Variants in GPHN observed in about 807,000 individuals in gnomAD.
GPHN encodes the protein gephyrin.
GPHN carries 17 observed loss-of-function variants against 95.5 expected under a neutral mutation model. The observed-to-expected ratio is 0.18, with a 90% CI of 0.12 to 0.27. The LOEUF (loss-of-function observed/expected upper bound fraction) is 0.27. Ranked by LOEUF, GPHN falls within the 10% of genes least tolerant of loss-of-function variation. GPHN has a pLI of 1.00. For synonymous variants in GPHN, 320 were observed against 322.5 expected (o/e 0.99, Z 0.08); for missense variants, 660 against 978.1 (o/e 0.67, Z 4.34).
the GPHN span, among the ~76,000 whole-genome samples, chr14:67,378,610 A>T: frequency 6.6e-6 from 1 of 152,126 alleles, no homozygotes; most frequent in Admixed American, 6.5e-5. Flanking sequence ...TCCTCAGTAC[A>T]TTTCTTAACT....
intron 1 of GPHN, among the ~76,000 whole-genome samples, chr14:66,674,843 T>A (rs1275886059): frequency 6.6e-6 from 1 of 152,224 alleles, no homozygotes; most frequent in African/African-American, 2.4e-5. Flanking sequence ...CCCATTCCTG[T>A]GATTGCTGGA....
chr14:67,729,892 A>C, the GPHN span: 1 of 445,532 alleles, frequency 2.2e-6, no homozygotes, highest in Non-Finnish European at 4.5e-6. Flanking sequence ...AGAGTCTGGG[A>C]GTAAAGGGAA....
chr14:67,206,132 C>T, the GPHN span, among the ~76,000 whole-genome samples: 7 of 151,964 alleles, frequency 4.6e-5, no homozygotes, highest in Middle Eastern at 3.4e-3. Context: ...TGCAGTGAGC[C>T]GAGATCATGC....
At chr14:67,034,904 T>C (rs2074347314) in intron 10 of GPHN, among the ~76,000 whole-genome samples, 1 of 151,992 alleles carries the variant, frequency 6.6e-6, no homozygotes, top group African/African-American at 2.4e-5. Flanking sequence ...AACAGAGAAC[T>C]TGAACACTGT....
At chr14:67,027,991 CTGTATGTT>C in intron 10 of GPHN, among the ~76,000 whole-genome samples, 1 of 152,148 alleles carries the variant, frequency 6.6e-6, no homozygotes, top group Non-Finnish European at 1.5e-5. Flanking sequence ...TTCTATATAA[CTGTATGTT>C]TGTACCTTTT....
At chr14:66,532,798 A>T (rs2058996818) in intron 1 of GPHN, among the ~76,000 whole-genome samples, 2 of 152,194 alleles carry the variant, frequency 1.3e-5, no homozygotes, top group Non-Finnish European at 2.9e-5. Flanking sequence ...ATTTTCTCTT[A>T]TCACAAACTT....
At chr14:66,768,845 G>A (rs2059057576) in intron 2 of GPHN, among the ~76,000 whole-genome samples, 1 of 151,878 alleles carries the variant, frequency 6.6e-6, no homozygotes, top group Non-Finnish European at 1.5e-5. Context: ...ATGCATTAAG[G>A]GAATAGAAGA....
chr14:67,388,629 C>A, the GPHN span, among the ~76,000 whole-genome samples: 1 of 152,170 alleles, frequency 6.6e-6, no homozygotes, highest in East Asian at 1.9e-4. Context: ...CACTGGCTTC[C>A]TTAACCCTTG....
intron 1 of GPHN, among the ~76,000 whole-genome samples, chr14:66,631,803 A>C (rs1348368919): frequency 2.6e-5 from 4 of 152,210 alleles, no homozygotes; most frequent in African/African-American, 9.6e-5. Flanking sequence ...ATATTAGAGA[A>C]ATTTCCCACT....
chr14:66,958,921 C>T (rs1005823360), intron 8 of GPHN, among the ~76,000 whole-genome samples: 6 of 151,900 alleles, frequency 3.9e-5, no homozygotes, highest in Non-Finnish European at 7.4e-5. Flanking sequence ...CTATTACTTC[C>T]TTTTTTCTGT....
In GPHN at chr14:66,961,900, GTATATATATA is replaced by G. The variant is rs767734322; in HGVS notation, c.829-3252_829-3243del. Among the ~76,000 whole-genome samples the G allele has an allele frequency of 7.1e-3, 376 of 52,964 alleles. 6 individuals are homozygous for G. The highest frequency in any genetic ancestry group is 0.038 in the East Asian group (85 of 2,240). The allele number at this position is 52,964 out of a possible 152,430, so 34.7% of individuals were successfully genotyped here. On this transcript the variant is annotated intron_variant, in intron 8 of 22. Transcript: ENST00000478722. ...AACCAACCATTCTATCCCTGAATGTGTATATATATATATATATATATATATATATATATAT... is the reference window on the plus strand; with the variant it reads ...AACCAACCATTCTATCCCTGAATGTGTATATATATATATATATATATATAT...
At chr14:67,660,155 TG>T in the GPHN span, 1 of 401,958 alleles carries the variant, frequency 2.5e-6, no homozygotes. Context: ...AATGAATGAA[TG>T]GAAAAACAGA....
At chr14:67,727,077 AG>A in the GPHN span, 1 of 1,614,038 alleles carries the variant, frequency 6.2e-7, no homozygotes, top group Non-Finnish European at 8.5e-7. Context: ...CACATTGGCA[AG>A]ATTCCCTTCC....
Position 66,917,507 on chromosome 14 carries a change from C to A in GPHN, c.456+1438C>A, listed in dbSNP as rs77713406. Among the ~76,000 whole-genome samples, 470 of 152,262 alleles carry A rather than the reference C, an allele frequency of 3.1e-3. 10 individuals are homozygous for A. The highest frequency in any genetic ancestry group is 0.011 in the African/African-American group (445 of 41,538). Reference sequence around the variant, plus strand: ...CATTCATTCCTTTACCCTCAGCTACCATTCTTCCTTCTCTCTATTTATACC... The same window carrying A: ...CATTCATTCCTTTACCCTCAGCTACAATTCTTCCTTCTCTCTATTTATACC... On this transcript the variant is annotated intron_variant, in intron 6 of 22. Coordinates refer to ENST00000478722, the MANE Select transcript of GPHN (RefSeq NM_020806.5).
chr14:67,066,694 A>T (rs946620648), intron 11 of GPHN, among the ~76,000 whole-genome samples: 2 of 151,978 alleles, frequency 1.3e-5, no homozygotes, highest in Non-Finnish European at 2.9e-5. Flanking sequence ...TCAATCACTG[A>T]TATCCTTTCT....
intron 10 of GPHN, among the ~76,000 whole-genome samples, chr14:67,026,476 CACA>C (rs1194314073): frequency 2.0e-5 from 3 of 152,150 alleles, no homozygotes; most frequent in Non-Finnish European, 2.9e-5. Flanking sequence ...AATCCTCACA[CACA>C]ACAACAAATC....
the GPHN span, chr14:67,650,720 C>G: frequency 6.2e-7 from 1 of 1,613,750 alleles, no homozygotes; most frequent in Non-Finnish European, 8.5e-7. Flanking sequence ...TCCAGGGTTG[C>G]TATCAGCACT....
At chr14:66,783,838 T>A (rs1175558214) in intron 3 of GPHN, among the ~76,000 whole-genome samples, 2 of 152,208 alleles carry the variant, frequency 1.3e-5, no homozygotes, top group Non-Finnish European at 2.9e-5. Flanking sequence ...GCCAGAGTGG[T>A]GTCAGTGAGA....
chr14:66,571,384 C>G (rs899802270), intron 1 of GPHN, among the ~76,000 whole-genome samples: 3 of 152,140 alleles, frequency 2.0e-5, no homozygotes, highest in African/African-American at 4.8e-5. Context: ...GGTGGGGACA[C>G]AGAGCCAAAC....
Sources: gnomAD v4.1 joint callset for allele counts (sites outside exome capture counted in the v4.1 genomes callset) on GRCh38, gnomAD v4.1.1 for gene constraint, MANE v1.5 for transcripts, NCBI Gene and HGNC (gene_info 2026-07-23, HGNC 2026-07-21) for gene names.